The following SIPA1L3 variants were observed in gnomAD, a reference collection of about 807,000 sequenced individuals.
The protein encoded by SIPA1L3 is signal induced proliferation associated 1 like 3.
Under a neutral mutation model 150.1 loss-of-function variants are expected in SIPA1L3, and 59 were observed. The ratio of observed to expected loss-of-function variants is 0.39; its 90% CI spans 0.32 to 0.49. The LOEUF (loss-of-function observed/expected upper bound fraction) is 0.49. Among genes scored for constraint, SIPA1L3 ranks in the 20% least tolerant of loss-of-function variants. The pLI is 0.86. For missense variants in SIPA1L3, 2,211 were observed against 2,489.5 expected, an observed-to-expected ratio of 0.89 and a Z score of 2.38; for synonymous variants, 1,070 against 1,077.6, an observed-to-expected ratio of 0.99 and a Z score of 0.14.
chr19:37,965,061 G>A (rs1364328702), intron 1 of SIPA1L3, among the ~76,000 whole-genome samples: 1 of 152,052 alleles, frequency 6.6e-6, no homozygotes, highest in African/African-American at 2.4e-5. Flanking sequence ...ATCTGTTTTG[G>A]GGAATTCAAG....
chr19:38,119,901 C>CTCA lies in SIPA1L3; in HGVS notation c.2868+19_2868+20insTCA. Reference sequence around the variant, plus strand: ...ACTGAAGGTAAGGGAGAGAGCCCGGCGATAGGGCGGCGATTTGTATGGTTT... The same window carrying CTCA: ...ACTGAAGGTAAGGGAGAGAGCCCGGCTCAGATAGGGCGGCGATTTGTATGGTTT... On this transcript the variant is annotated intron_variant, in intron 9 of 21. Transcript: ENST00000222345. The CTCA allele has an allele frequency of 6.4e-7, 1 of 1,561,504 alleles. No homozygotes were observed.
intron 1 of SIPA1L3, among the ~76,000 whole-genome samples, chr19:37,976,912 G>A (rs1244698254): frequency 6.6e-6 from 1 of 152,182 alleles, no homozygotes; most frequent in African/African-American, 2.4e-5. Context: ...ACAGCTCACT[G>A]CAGCCTCAAC....
chr19:37,946,065 G>A (rs1422555957), intron 1 of SIPA1L3, among the ~76,000 whole-genome samples: 4 of 151,790 alleles, frequency 2.6e-5, no homozygotes, highest in Non-Finnish European at 5.9e-5. Flanking sequence ...TGAGGCAGGA[G>A]AATTGCTTGA....
At chr19:38,062,326 A>G (rs1295763938) in intron 2 of SIPA1L3, among the ~76,000 whole-genome samples, 5 of 152,312 alleles carry the variant, frequency 3.3e-5, no homozygotes, top group South Asian at 2.1e-4. Context: ...TTTAATGGCC[A>G]TAGATTTGAC....
chr19:38,204,644 A>C (rs915371616), intron 21 of SIPA1L3, among the ~76,000 whole-genome samples: 1 of 152,122 alleles, frequency 6.6e-6, no homozygotes, highest in South Asian at 2.1e-4. Context: ...GGGTGCCTGT[A>C]ATCCCAGGTA....
At chr19:38,044,521 G>T (rs1969006047) in intron 2 of SIPA1L3, among the ~76,000 whole-genome samples, 1 of 152,178 alleles carries the variant, frequency 6.6e-6, no homozygotes. Context: ...AGGGCCCGAG[G>T]TGATTGCTAG....
At chr19:38,185,076 C>G (rs1283850843) in intron 16 of SIPA1L3, 1 of 152,492 alleles carries the variant, frequency 6.6e-6, no homozygotes, top group African/African-American at 2.4e-5. Flanking sequence ...CCAGTGAGCT[C>G]CCTCCAGATC....
In SIPA1L3 at chr19:38,157,445, G is replaced by T. The variant is rs559534743; in HGVS notation, c.3661+4478G>T. Among the ~76,000 whole-genome samples the T allele has an allele frequency of 9.2e-5, 14 of 152,304 alleles. No individual in the cohort carries two copies. In the South Asian group the frequency reaches 2.1e-3, roughly 23 times the overall value. ...CACTGCTGGTGAGCAGCGTAATCAGGATATGAACGGAGCCCTGTTGGGTCC... is the reference window on the plus strand; with the variant it reads ...CACTGCTGGTGAGCAGCGTAATCAGTATATGAACGGAGCCCTGTTGGGTCC... On this transcript the variant is annotated intron_variant, in intron 13 of 21. Transcript: ENST00000222345.
intron 11 of SIPA1L3, among the ~76,000 whole-genome samples, chr19:38,142,346 G>A (rs1971606060): frequency 1.3e-5 from 2 of 152,198 alleles, no homozygotes; most frequent in South Asian, 2.1e-4. Flanking sequence ...CAGTGGATCC[G>A]GGAAGAGGGG....
At chr19:37,956,482 G>GTT (rs34804753) in intron 1 of SIPA1L3, among the ~76,000 whole-genome samples, 32,496 of 125,490 alleles carry the variant, frequency 0.26, 5,451 homozygotes, top group East Asian at 0.57. Flanking sequence ...AAGTATAAAA[G>GTT]TTTTGTTTTT....
chr19:38,108,906 T>C (rs1397315184), intron 7 of SIPA1L3, among the ~76,000 whole-genome samples: 1 of 152,114 alleles, frequency 6.6e-6, no homozygotes, highest in African/African-American at 2.4e-5. Context: ...GGAGAATCAC[T>C]TGAACCCAGG....
At chr19:38,202,782 G>C (rs1973117860) in intron 20 of SIPA1L3, among the ~76,000 whole-genome samples, 2 of 152,048 alleles carry the variant, frequency 1.3e-5, no homozygotes, top group Non-Finnish European at 2.9e-5. Context: ...TGCCGTGCTG[G>C]GCTGTCTGAG....
intron 6 of SIPA1L3, among the ~76,000 whole-genome samples, chr19:38,104,193 G>C (rs980482018): frequency 3.9e-5 from 6 of 152,206 alleles, no homozygotes; most frequent in African/African-American, 1.4e-4. Flanking sequence ...AAATCTTAGA[G>C]AGAGAAGTGA....
intron 1 of SIPA1L3, among the ~76,000 whole-genome samples, chr19:37,953,741 G>A (rs1452672963): frequency 6.6e-6 from 1 of 152,174 alleles, no homozygotes; most frequent in African/African-American, 2.4e-5. Flanking sequence ...CTGACTCCTC[G>A]CTGCTGGCTG....
chr19:38,030,873 C>A (rs1010395831), intron 2 of SIPA1L3, among the ~76,000 whole-genome samples: 3 of 151,936 alleles, frequency 2.0e-5, no homozygotes, highest in African/African-American at 4.8e-5. Context: ...CCTTGAAGAA[C>A]CAAGAGACCA....
intron 1 of SIPA1L3, among the ~76,000 whole-genome samples, chr19:37,922,418 G>A (rs1175061151): frequency 1.3e-5 from 2 of 151,260 alleles, no homozygotes; most frequent in Non-Finnish European, 2.9e-5. Flanking sequence ...TTTTGAGACA[G>A]AGTCTTGCTC....
chr19:38,093,418 C>T (rs1970305898), intron 4 of SIPA1L3, among the ~76,000 whole-genome samples: 1 of 152,100 alleles, frequency 6.6e-6, no homozygotes, highest in Non-Finnish European at 1.5e-5. Flanking sequence ...GCCTCAGTTT[C>T]CCCCTTGGAA....
intron 21 of SIPA1L3, 92 bp from the exon 22 acceptor site, chr19:38,206,005 C>G: frequency 7.2e-7 from 1 of 1,394,640 alleles, no homozygotes; most frequent in Non-Finnish European, 9.5e-7. Context: ...CAAAGCACAG[C>G]CGGGCCAGGG....
At chr19:37,977,585 C>T (rs993351770) in intron 1 of SIPA1L3, among the ~76,000 whole-genome samples, 1 of 151,840 alleles carries the variant, frequency 6.6e-6, no homozygotes, top group Admixed American at 6.6e-5. Flanking sequence ...CCCTCCACGC[C>T]CCCCCCCACA....
Sources: gnomAD v4.1 joint callset for allele counts (sites outside exome capture counted in the v4.1 genomes callset) on GRCh38, gnomAD v4.1.1 for gene constraint, MANE v1.5 for transcripts, NCBI Gene and HGNC (gene_info 2026-07-23, HGNC 2026-07-21) for gene names.